Variants in MCC observed in about 807,000 individuals in gnomAD.
MCC encodes the protein MCC regulator of Wnt signaling pathway, also known as colorectal mutant cancer protein.
In MCC, 90 loss-of-function variants were observed where a neutral mutation model predicts 116.2. The observed-to-expected ratio is 0.77, with a 90% CI of 0.65 to 0.92. MCC has a LOEUF of 0.92. MCC is among the 40% of genes least tolerant of loss of function. The pLI, the probability that MCC is intolerant of heterozygous loss-of-function variation, is 0.00. For missense variants in MCC, 1,516 were observed against 1,312.2 expected, an observed-to-expected ratio of 1.16 and a Z score of -2.40; for synonymous variants, 578 against 510.5, an observed-to-expected ratio of 1.13 and a Z score of -1.78.
At chr5:113,313,896 C>G (rs192679891) in intron 3 of MCC, among the ~76,000 whole-genome samples, 250 of 152,278 alleles carry the variant, frequency 1.6e-3, no homozygotes, top group African/African-American at 5.7e-3. Flanking sequence ...TCACAGCTCA[C>G]TGCAGCCTTG....
At chr5:113,120,078 A>T (rs1005889437) in intron 6 of MCC, among the ~76,000 whole-genome samples, 3 of 152,244 alleles carry the variant, frequency 2.0e-5, no homozygotes, top group Non-Finnish European at 4.4e-5. Context: ...ATACAATTTG[A>T]GAGAAGTGAA....
At position 113,433,656 on chromosome 5, in the gene MCC, T is replaced by C. The variant is rs942728565; in HGVS notation, c.171-48444A>G. ...GAGGCTCATCTGGGACTGCCTTCCT[T>C]CTCTGGCTCCACCCTTGACTTCTTC... On this transcript the variant is annotated intron_variant, in intron 1 of 18. Coordinates refer to ENST00000408903, the MANE Select transcript of MCC (RefSeq NM_001085377.2). 1.8e-5 allele frequency: 27 copies of C among 1,494,782 alleles called. No homozygotes were observed. In the South Asian group the frequency reaches 3.6e-4, roughly 20 times the overall value. 92.6% of individuals were successfully genotyped at this position (1,494,782 alleles called of 1,614,324 possible).
intron 1 of MCC, among the ~76,000 whole-genome samples, chr5:113,387,837 G>C (rs913002787): frequency 1.3e-5 from 2 of 152,170 alleles, no homozygotes; most frequent in Non-Finnish European, 2.9e-5. Flanking sequence ...TCAATAAACA[G>C]TAGCCATTAT....
chr5:113,258,530 G>C (rs1765103716), intron 3 of MCC, among the ~76,000 whole-genome samples: 1 of 152,252 alleles, frequency 6.6e-6, no homozygotes, highest in Admixed American at 6.5e-5. Flanking sequence ...TGCACTGCAA[G>C]GAATCTAGGT....
Position 113,026,670 on chromosome 5 carries a change from G to C in MCC, c.*632C>G, listed in dbSNP as rs1030339390. The C allele has an allele frequency of 6.6e-6, 1 of 152,228 alleles. No homozygotes were observed. The highest frequency in any genetic ancestry group is 2.4e-5 in the African/African-American group (1 of 41,448). 9.4% of individuals were successfully genotyped at this position (152,228 alleles called of 1,614,324 possible). On this transcript the variant is annotated 3_prime_UTR_variant, in exon 19 of 19. Transcript: ENST00000408903. The stretch of plus-strand genomic sequence containing the variant: ...TCAGGCACAGTCCTGGTGGTGGTCT[G>C]TTTGTAACTTTAGTGTATCTGGGAC...
chr5:113,267,157 C>T (rs751742551), intron 3 of MCC, among the ~76,000 whole-genome samples: 7 of 152,116 alleles, frequency 4.6e-5, no homozygotes, highest in African/African-American at 7.2e-5. Context: ...TCCTTCCTAT[C>T]GTCCCTGTAG....
chr5:113,361,870 C>A (rs1195871093), intron 2 of MCC, among the ~76,000 whole-genome samples: 3 of 152,176 alleles, frequency 2.0e-5, no homozygotes, highest in Non-Finnish European at 2.9e-5. Context: ...TGGACTTCCA[C>A]CAGCAACCCC....
At chr5:113,048,197 G>C (rs901977270) in intron 16 of MCC, among the ~76,000 whole-genome samples, 1 of 152,194 alleles carries the variant, frequency 6.6e-6, no homozygotes, top group Non-Finnish European at 1.5e-5. Flanking sequence ...GCAGTCATTG[G>C]TACAGAAGTA....
intron 1 of MCC, among the ~76,000 whole-genome samples, chr5:113,426,457 G>A (rs80011715): frequency 5.3e-4 from 81 of 152,302 alleles, no homozygotes; most frequent in Non-Finnish European, 7.6e-4. Context: ...GTAATAGTAT[G>A]CAGCCAACGA....
At chr5:113,448,750 C>A (rs1771296539) in intron 1 of MCC, among the ~76,000 whole-genome samples, 1 of 152,050 alleles carries the variant, frequency 6.6e-6, no homozygotes, top group Non-Finnish European at 1.5e-5. Context: ...CTTAAAACAC[C>A]ATTACTATGA....
chr5:113,143,418 G>A (rs1209913642), intron 4 of MCC, 58 bp from the exon 5 acceptor site: 2 of 1,589,764 alleles, frequency 1.3e-6, no homozygotes, highest in Admixed American at 1.8e-5. Context: ...ACAGGTGGAT[G>A]ATTCCAAGCT....
intron 1 of MCC, among the ~76,000 whole-genome samples, chr5:113,455,928 C>T (rs563178521): frequency 6.6e-6 from 1 of 152,188 alleles, no homozygotes; most frequent in East Asian, 1.9e-4. Flanking sequence ...AGAGAGGTGC[C>T]ACAGAAAGGG....
intron 1 of MCC, among the ~76,000 whole-genome samples, chr5:113,447,094 C>G (rs26989): frequency 2.0e-5 from 3 of 152,236 alleles, no homozygotes; most frequent in South Asian, 4.1e-4. Context: ...GGAGGTAGAG[C>G]TGGATGAAAA....
At chr5:113,354,035 G>A (rs1581421864) in intron 2 of MCC, among the ~76,000 whole-genome samples, 2 of 152,152 alleles carry the variant, frequency 1.3e-5, no homozygotes, top group African/African-American at 2.4e-5. Flanking sequence ...TTATGCTGCA[G>A]TAATGAAAAG....
At chr5:113,181,147 C>T (rs1761607734) in intron 3 of MCC, among the ~76,000 whole-genome samples, 1 of 152,196 alleles carries the variant, frequency 6.6e-6, no homozygotes. Flanking sequence ...GCAATTTAGA[C>T]TATTCCTAAA....
rs764369764 is a variant in MCC, at chr5:113,151,353, C to T, written c.697G>A (p.Glu233Lys). The T allele has an allele frequency of 3.7e-6, 6 of 1,613,948 alleles. No individual in the cohort carries two copies. The highest frequency in any genetic ancestry group is 5.1e-6 in the Non-Finnish European group (6 of 1,179,906). Residue 233 changes from glutamate (E) to lysine (K), a missense_variant, in exon 4 of 19, where the codon GAG (glutamate) becomes AAG (lysine). Glu to Lys is a moderately conservative substitution (Grantham distance 56). Coordinates refer to ENST00000408903, the MANE Select transcript of MCC (RefSeq NM_001085377.2). ...VELNKRLQQT[E>K]RERDLLEKKL... ...TTTTCCAGAAGGTCCCGTTCCCTCT[C>T]TGTTTGCTGGAGACGTTTATTAAGT... is the stretch of plus-strand genomic sequence containing the variant.
intron 1 of MCC, among the ~76,000 whole-genome samples, chr5:113,445,787 G>C (rs1771196132): frequency 6.6e-6 from 1 of 151,978 alleles, no homozygotes; most frequent in African/African-American, 2.4e-5. Flanking sequence ...ACCCCACATA[G>C]CCAAAGCATT....
intron 17 of MCC, among the ~76,000 whole-genome samples, chr5:113,038,741 C>T (rs13436313): frequency 0.042 from 6,415 of 152,112 alleles, 465 homozygotes; most frequent in African/African-American, 0.15. Flanking sequence ...TATATCCTTA[C>T]AGGGCTCTGG....
At chr5:113,150,638 A>C (rs1009864447) in intron 4 of MCC, among the ~76,000 whole-genome samples, 3 of 152,166 alleles carry the variant, frequency 2.0e-5, no homozygotes, top group African/African-American at 7.2e-5. Flanking sequence ...AAAGGAAAAG[A>C]AAAAATTAAA....
Sources: allele counts gnomAD v4.1 joint callset (sites outside exome capture counted in the v4.1 genomes callset), GRCh38; gene constraint gnomAD v4.1.1; transcripts MANE v1.5; gene names NCBI Gene and HGNC (gene_info 2026-07-23, HGNC 2026-07-21).